Variants in ERICH3 observed in about 807,000 individuals in gnomAD.
ERICH3 encodes glutamate rich 3, also known as glutamate-rich protein 3.
A neutral mutation model predicts 131.1 loss-of-function variants in ERICH3; 126 were observed. That is an observed-to-expected ratio of 0.96 (90% CI 0.83 to 1.11). ERICH3 has a LOEUF of 1.11. Among genes scored for constraint, ERICH3 ranks in the 50% most tolerant of loss-of-function variants. The probability of loss-of-function intolerance (pLI) is 0.00; values close to 1 mark genes in which losing one functional copy is unlikely to be tolerated. For synonymous variants in ERICH3, 695 were observed against 644.6 expected, an observed-to-expected ratio of 1.08 and a Z score of -1.18; for missense variants, 2,050 against 1,810.7, an observed-to-expected ratio of 1.13 and a Z score of -2.40.
At chr1:74,648,792 T>C (rs1646506489) in intron 2 of ERICH3, among the ~76,000 whole-genome samples, 1 of 152,182 alleles carries the variant, frequency 6.6e-6, no homozygotes, top group African/African-American at 2.4e-5. Flanking sequence ...AGTAATTGTT[T>C]TTAAATTTGG....
intron 1 of ERICH3, 81 bp downstream of exon 1, chr1:74,673,416 C>CCGCAG: frequency 1.9e-6 from 3 of 1,559,454 alleles, no homozygotes; most frequent in Non-Finnish European, 2.6e-6. Context: ...CCCCTTCCCT[C>CCGCAG]CGCAGCAGGA....
At position 74,646,744 on chromosome 1, in the gene ERICH3, T is replaced by C; in HGVS notation, c.166A>G (p.Met56Val). 6.6e-7 allele frequency: 1 copy of C among 1,503,922 alleles called. No individual in the cohort carries two copies. The highest frequency in any genetic ancestry group is 9.0e-7 in the Non-Finnish European group (1 of 1,110,592). 93.2% of individuals were successfully genotyped at this position (1,503,922 alleles called of 1,614,324 possible). Residue 56 changes from methionine (M) to valine (V), a missense_variant, in exon 3 of 15, where the codon ATG becomes GTG. Physicochemically the swap from Met to Val is conservative, Grantham distance 21. Coordinates refer to ENST00000326665, the MANE Select transcript of ERICH3 (RefSeq NM_001002912.5). ...TATTTTTGATGATCCCGCTTCATCA[T>C]ATTTAGTTTATATTCTTTTTCAGAA... ...ILSEKEYKLN[M>V]MKRDHQKYIR...
chr1:74,599,770 C>A lies in ERICH3; in HGVS notation c.1651G>T (p.Ala551Ser), dbSNP rs997495931. 6.2e-7 allele frequency: 1 copy of A among 1,612,370 alleles called. No individual in the cohort carries two copies. The highest frequency in any genetic ancestry group is 1.3e-5 in the African/African-American group (1 of 74,876). Residue 551 changes from alanine to serine, a missense_variant, in exon 11 of 15, where the codon GCA (alanine) becomes TCA (serine). Transcript: ENST00000326665. The stretch of plus-strand genomic sequence containing the variant: ...TTCACATTGTCACGGGCATCTGGTG[C>A]CTTCTGTGATGAGGTTTCACTCTCT... ...EKESETSSQK[A>S]PDARDNVKDE...
chr1:74,575,179 C>T (rs1254818467), intron 13 of ERICH3, among the ~76,000 whole-genome samples: 2 of 152,166 alleles, frequency 1.3e-5, no homozygotes, highest in African/African-American at 4.8e-5. Flanking sequence ...ATTTCATTAC[C>T]GCTTCTAACA....
Position 74,606,752 on chromosome 1 carries a change from C to A in ERICH3, c.1338G>T (p.Lys446Asn), listed in dbSNP as rs778439810. 31 of 1,613,196 alleles carry A rather than the reference C, an allele frequency of 1.9e-5. No individual in the cohort carries two copies. The highest frequency in any genetic ancestry group is 2.7e-5 in the African/African-American group (2 of 74,810). ...TGGCTGAAACAGAGGTTTTGTTCTCCTTGATCTCATTTCTTTTTGGTATCA... is the reference window on the plus strand; with the variant it reads ...TGGCTGAAACAGAGGTTTTGTTCTCATTGATCTCATTTCTTTTTGGTATCA... The part of the protein sequence containing the change: ...EYVIPKRNEI[K>N]ENKTSVSAKF... The change falls in exon 10 of 15, where the codon AAG becomes AAT. Residue 446 changes from lysine (K) to asparagine (N), a missense_variant. Transcript: ENST00000326665.
chr1:74,592,216 A>G (rs1647641024), intron 11 of ERICH3: 1 of 152,130 alleles, frequency 6.6e-6, no homozygotes, highest in African/African-American at 2.4e-5. Flanking sequence ...CCAGATGACC[A>G]CTATTTTTCA....
chr1:74,646,708 A>C lies in ERICH3; in HGVS notation c.202T>G (p.Cys68Gly), dbSNP rs765103330. 6.8e-7 allele frequency: 1 copy of C among 1,481,230 alleles called. No homozygotes were observed. Among genetic ancestry groups the C allele is most frequent in the East Asian group, 2.5e-5 (1 of 39,656 alleles). The allele number at this position is 1,481,230 out of a possible 1,614,324, so 91.8% of individuals were successfully genotyped here. A position where few individuals can be genotyped will look rare whatever the true frequency, so the allele number is the denominator to read the frequency against. ...TTATGAAAAATTGCCTGGGCTAAGC[A>C]TTCCCGGATATATTTTTGATGATCC... is the stretch of plus-strand genomic sequence containing the variant. ...KRDHQKYIRE[C>G]LAQAIFHKVL... Residue 68 changes from cysteine to glycine, a missense_variant, in exon 3 of 15, where the codon TGC becomes GGC. Cys to Gly is a radical substitution (Grantham distance 159). Transcript: ENST00000326665.
At chr1:74,593,103 C>T (rs144871598) in intron 11 of ERICH3, among the ~76,000 whole-genome samples, 81 of 152,220 alleles carry the variant, frequency 5.3e-4, no homozygotes, top group African/African-American at 1.9e-3. Flanking sequence ...CCTGCTTTTG[C>T]TTGTTTTGGC....
intron 3 of ERICH3, among the ~76,000 whole-genome samples, chr1:74,644,333 T>A (rs1217557223): frequency 6.6e-6 from 1 of 152,028 alleles, no homozygotes; most frequent in African/African-American, 2.4e-5. Context: ...CATCCACATC[T>A]ACTGACTTGC....
chr1:74,575,525 G>T (rs1049945024), intron 13 of ERICH3, among the ~76,000 whole-genome samples: 1 of 152,146 alleles, frequency 6.6e-6, no homozygotes, highest in Non-Finnish European at 1.5e-5. Context: ...TTTCATTACA[G>T]ATTATTACCG....
chr1:74,571,890 C>T lies in ERICH3; in HGVS notation c.3820G>A (p.Val1274Ile). 1 of 1,612,148 alleles carries T rather than the reference C, an allele frequency of 6.2e-7. No homozygotes were observed. The highest frequency in any genetic ancestry group is 8.5e-7 in the Non-Finnish European group (1 of 1,180,034). Residue 1274 changes from valine (V) to isoleucine (I), a missense_variant, in exon 14 of 15, where the codon GTT (valine) becomes ATT (isoleucine). By Grantham distance (29) the Val-to-Ile change is conservative. Transcript: ENST00000326665. ...GCCATTATGGGATCTTCCTCAGCAA[C>T]AGCTTCCTGGGTCCTTAGCACGACA... Reference protein sequence around the residue: ...VDVVLRTQEAVAEEDPIMAEK... With the variant: ...VDVVLRTQEAIAEEDPIMAEK...
intron 1 of ERICH3, among the ~76,000 whole-genome samples, chr1:74,656,210 C>A (rs1251808330): frequency 6.6e-6 from 1 of 152,172 alleles, no homozygotes; most frequent in Non-Finnish European, 1.5e-5. Flanking sequence ...GGCCCCCTCA[C>A]CATGGACAAC....
rs1411354072 is a variant in ERICH3 at position 74,589,662 on chromosome 1, T to C, written c.2145A>G (p.Lys715=). 6.2e-7 allele frequency: 1 copy of C among 1,613,994 alleles called. No individual in the cohort carries two copies. Among genetic ancestry groups the C allele is most frequent in the Non-Finnish European group, 8.5e-7 (1 of 1,179,942 alleles). ...CCTCCAACCCAGGGAGACCTGCCTT[T>C]TTGTCCTTCACCTGAGCAGTGCTTT... ...WEESTAQVKD[K]KAGLPGLEEG... Residue 715 remains lysine, a synonymous_variant, in exon 12 of 15, where the codon AAA becomes AAG. Coordinates refer to ENST00000326665, the MANE Select transcript of ERICH3 (RefSeq NM_001002912.5).
chr1:74,606,331 G>T (rs1648390519), intron 10 of ERICH3, among the ~76,000 whole-genome samples: 1 of 151,828 alleles, frequency 6.6e-6, no homozygotes, highest in African/African-American at 2.4e-5. Flanking sequence ...GAAGTCAATA[G>T]AGTCTCTAAC....
At chr1:74,628,520 A>C (rs771663221) in intron 7 of ERICH3, among the ~76,000 whole-genome samples, 1 of 152,176 alleles carries the variant, frequency 6.6e-6, no homozygotes, top group Non-Finnish European at 1.5e-5. Context: ...TACAAATAGC[A>C]TACAAAATAT....
Position 74,672,680 on chromosome 1 carries a change from T to A in ERICH3, c.23+817A>T, listed in dbSNP as rs559832153. On this transcript the variant is annotated intron_variant, in intron 1 of 14. Transcript: ENST00000326665. ...ATTGCAAGATTGACTAGGATATTTA[T>A]CTTCTTACTAGATGTATCATAATAA... Among the ~76,000 whole-genome samples, 5 of 152,328 alleles carry A rather than the reference T, an allele frequency of 3.3e-5. No homozygotes were observed. In the East Asian group the frequency reaches 9.6e-4, roughly 29 times the overall value.
At chr1:74,604,724 G>T (rs928008566) in intron 10 of ERICH3, among the ~76,000 whole-genome samples, 1 of 151,856 alleles carries the variant, frequency 6.6e-6, no homozygotes, top group African/African-American at 2.4e-5. Context: ...TCTCAACAGT[G>T]GGCTGAAAAT....
At chr1:74,573,514 C>T in intron 13 of ERICH3, 23 bp from the exon 14 acceptor site, 2 of 1,489,998 alleles carry the variant, frequency 1.3e-6, no homozygotes, top group Non-Finnish European at 8.9e-7. Context: ...GGTTAGAAAT[C>T]AAGATTACTT....
chr1:74,606,468 AG>A, intron 10 of ERICH3, 132 bp downstream of exon 10: 1 of 854,026 alleles, frequency 1.2e-6, no homozygotes, highest in Non-Finnish European at 1.8e-6. Flanking sequence ...CAAAGGAAGG[AG>A]GTCAGGGGCA....
Sources: gnomAD v4.1 joint callset for allele counts (sites outside exome capture counted in the v4.1 genomes callset) on GRCh38, gnomAD v4.1.1 for gene constraint, MANE v1.5 for transcripts, NCBI Gene and HGNC (gene_info 2026-07-23, HGNC 2026-07-21) for gene names.